The following FMN2 variants were observed in gnomAD, a reference collection of about 807,000 sequenced individuals.
FMN2 encodes formin 2.
In FMN2, 51 loss-of-function variants were observed where a neutral mutation model predicts 142.3. That is an observed-to-expected ratio of 0.36 (90% confidence interval 0.29 to 0.45). The LOEUF is 0.45. FMN2 is among the 20% of genes least tolerant of loss of function. FMN2 has a pLI of 1.00. For synonymous variants in FMN2, 882 were observed against 869.8 expected (o/e 1.01, Z -0.25); for missense variants, 1,936 against 2,122.8 (o/e 0.91, Z 1.73).
intron 13 of FMN2, among the ~76,000 whole-genome samples, chr1:240,337,105 G>A (rs528869488): frequency 6.6e-6 from 1 of 150,902 alleles, no homozygotes; most frequent in African/African-American, 2.4e-5. Context: ...CTAAATGGGA[G>A]TCAAACGGAA....
chr1:240,144,681 G>T, intron 2 of FMN2: 1 of 1,288,194 alleles, frequency 7.8e-7, no homozygotes, highest in Non-Finnish European at 1.1e-6. Context: ...CAACTGGTGA[G>T]ATAAAGGCAG....
chr1:240,469,324 CT>C (rs1676736829), intron 16 of FMN2, among the ~76,000 whole-genome samples: 1 of 152,266 alleles, frequency 6.6e-6, no homozygotes, highest in African/African-American at 2.4e-5. Context: ...GAATCTCCTG[CT>C]CCGAAATTAG....
chr1:240,282,341 C>G (rs1669426171), intron 7 of FMN2, among the ~76,000 whole-genome samples: 1 of 152,188 alleles, frequency 6.6e-6, no homozygotes. Flanking sequence ...GAGAAAACCA[C>G]AACTTTTGAG....
At chr1:240,359,093 C>G (rs542930660) in intron 14 of FMN2, among the ~76,000 whole-genome samples, 3 of 152,138 alleles carry the variant, frequency 2.0e-5, no homozygotes, top group African/African-American at 7.2e-5. Flanking sequence ...CCACTGCACT[C>G]CAGCCTGGGC....
At chr1:240,189,475 A>G (rs1288272283) in intron 4 of FMN2, among the ~76,000 whole-genome samples, 1 of 152,204 alleles carries the variant, frequency 6.6e-6, no homozygotes, top group Non-Finnish European at 1.5e-5. Flanking sequence ...AAATTAAATT[A>G]TTGCTGATCT....
At chr1:240,363,295 T>C (rs1054484322) in intron 14 of FMN2, among the ~76,000 whole-genome samples, 1 of 152,258 alleles carries the variant, frequency 6.6e-6, no homozygotes, top group African/African-American at 2.4e-5. Flanking sequence ...CATTGACCAT[T>C]TAATGTTGAA....
intron 6 of FMN2, among the ~76,000 whole-genome samples, chr1:240,212,645 T>C (rs1558369396): frequency 6.6e-6 from 1 of 152,104 alleles, no homozygotes; most frequent in Non-Finnish European, 1.5e-5. Context: ...TTAAAAGGAG[T>C]AATGGAAAAT....
In FMN2 at chr1:240,231,267, A is replaced by T. The variant is rs180939580; in HGVS notation, c.4065+20032A>T. Among the ~76,000 whole-genome samples the T allele has an allele frequency of 3.5e-3, 458 of 132,752 alleles. 133 individuals are homozygous for T. The highest frequency in any genetic ancestry group is 0.014 in the African/African-American group (428 of 31,228). 87.1% of individuals were successfully genotyped at this position (132,752 alleles called of 152,430 possible). ...ATAAAACAATACAAACTTGCCAAATATAAGACCAAAACAAAGCTTTTTCTT... is the reference window on the plus strand; with the variant it reads ...ATAAAACAATACAAACTTGCCAAATTTAAGACCAAAACAAAGCTTTTTCTT... On this transcript the variant is annotated intron_variant, in intron 6 of 17. Transcript: ENST00000319653.
chr1:240,269,611 T>C (rs531649505), intron 7 of FMN2, among the ~76,000 whole-genome samples: 1 of 152,174 alleles, frequency 6.6e-6, no homozygotes, highest in East Asian at 1.9e-4. Flanking sequence ...TGGGATTACA[T>C]TGAATCTGTA....
rs12048141 is a variant in FMN2 at position 240,161,010 on chromosome 1, C to G, written c.1783-16911C>G. On this transcript the variant is annotated intron_variant, in intron 2 of 17. Transcript: ENST00000319653. Reference sequence around the variant, plus strand: ...AAACATCAAATAATCTAAGAAGACACTGAACAGACATGTGCATGGCCTGTA... The same window carrying G: ...AAACATCAAATAATCTAAGAAGACAGTGAACAGACATGTGCATGGCCTGTA... Among the ~76,000 whole-genome samples the G allele has an allele frequency of 1.2e-3, 190 of 152,224 alleles. 4 individuals carry two copies. The East Asian group carries it at 0.03, about 24-fold the overall frequency.
intron 5 of FMN2, among the ~76,000 whole-genome samples, chr1:240,209,337 G>A (rs1484134378): frequency 6.7e-6 from 1 of 150,346 alleles, no homozygotes; most frequent in Non-Finnish European, 1.5e-5. Context: ...TGCAAGCTCC[G>A]CCTCCCGGGT....
At chr1:240,148,498 GAGGAGAGAGAGA>G (rs902450947) in intron 2 of FMN2, among the ~76,000 whole-genome samples, 5 of 115,446 alleles carry the variant, frequency 4.3e-5, no homozygotes, top group African/African-American at 1.1e-4. Flanking sequence ...GAGAGAAAGA[GAGGAGAGAGAGA>G]AGGAGAGAGA....
intron 7 of FMN2, among the ~76,000 whole-genome samples, chr1:240,287,232 C>T (rs931579869): frequency 1.3e-5 from 2 of 152,194 alleles, no homozygotes; most frequent in South Asian, 4.1e-4. Context: ...TTCCTGGTAG[C>T]TAGAGTAAGA....
At chr1:240,435,119 T>C (rs12755409) in intron 15 of FMN2, among the ~76,000 whole-genome samples, 47,891 of 152,030 alleles carry the variant, frequency 0.32, 8,854 homozygotes, top group African/African-American at 0.52. Context: ...TAAAGTTTTA[T>C]GCAAAGAACA....
intron 15 of FMN2, among the ~76,000 whole-genome samples, chr1:240,406,783 G>C (rs1174880034): frequency 6.6e-6 from 1 of 152,108 alleles, no homozygotes; most frequent in Non-Finnish European, 1.5e-5. Flanking sequence ...CCCCCAGCCC[G>C]GTCTATAGTT....
At chr1:240,341,052 C>T (rs1308193910) in intron 13 of FMN2, among the ~76,000 whole-genome samples, 1 of 152,128 alleles carries the variant, frequency 6.6e-6, no homozygotes, top group South Asian at 2.1e-4. Flanking sequence ...CACCTTCCAC[C>T]TTTTGCTATT....
At chr1:240,453,676 A>G (rs569138080) in intron 16 of FMN2, among the ~76,000 whole-genome samples, 3 of 152,336 alleles carry the variant, frequency 2.0e-5, no homozygotes, top group South Asian at 4.1e-4. Flanking sequence ...GAGATGAGGA[A>G]GAATAATGGT....
chr1:240,458,750 A>G (rs554137042), intron 16 of FMN2: 1 of 152,356 alleles, frequency 6.6e-6, no homozygotes, highest in Non-Finnish European at 1.5e-5. Flanking sequence ...TGTCAGATGC[A>G]ATTTTATAAT....
chr1:240,279,860 T>C (rs189363094), intron 7 of FMN2, among the ~76,000 whole-genome samples: 6 of 152,240 alleles, frequency 3.9e-5, no homozygotes, highest in Non-Finnish European at 8.8e-5. Flanking sequence ...CAAAAACCAG[T>C]GTATCATATT....
Sources: gnomAD v4.1 joint callset for allele counts (sites outside exome capture counted in the v4.1 genomes callset) on GRCh38, gnomAD v4.1.1 for gene constraint, MANE v1.5 for transcripts, NCBI Gene and HGNC (gene_info 2026-07-23, HGNC 2026-07-21) for gene names.